STAB2: variants seen among roughly 807,000 people sequenced by gnomAD.
STAB2 encodes stabilin-2.
In STAB2, 288 loss-of-function variants were observed where a neutral mutation model predicts 338.1. That is an observed-to-expected ratio of 0.85 (90% CI 0.77 to 0.94). STAB2 has a LOEUF of 0.94. Among genes scored for constraint, STAB2 ranks in the 40% least tolerant of loss-of-function variants. The probability of loss-of-function intolerance (pLI) is 0.00; values close to 1 mark genes in which losing one functional copy is unlikely to be tolerated. For missense variants in STAB2, 3,141 were observed against 3,210.1 expected, an observed-to-expected ratio of 0.98 and a Z score of 0.52; for synonymous variants, 1,202 against 1,193.3, an observed-to-expected ratio of 1.01 and a Z score of -0.15.
At chr12:103,634,947 G>A (rs941295659) in intron 6 of STAB2, among the ~76,000 whole-genome samples, 4 of 152,346 alleles carry the variant, frequency 2.6e-5, no homozygotes, top group Non-Finnish European at 2.9e-5. Flanking sequence ...TTTCCTGGAC[G>A]TAAAGTGGGG....
rs151009841 is a variant in STAB2 at position 103,594,490 on chromosome 12, G to C, written c.311G>C (p.Arg104Pro). The change falls in exon 3 of 69, where the codon CGC (arginine) becomes CCC (proline). Residue 104 changes from arginine to proline, a missense_variant. Physicochemically the swap from Arg to Pro is moderately radical, Grantham distance 103. Coordinates refer to ENST00000388887, the MANE Select transcript of STAB2 (RefSeq NM_017564.10). ...DYLQPRCCPG[R>P]WGPDCIECPG... Reference sequence around the variant, plus strand: ...CTCCAACCTCGGTGTTGTCCTGGCCGCTGGGGCCCAGACTGTATAGGTAAG... The same window carrying C: ...CTCCAACCTCGGTGTTGTCCTGGCCCCTGGGGCCCAGACTGTATAGGTAAG... 1 of 1,613,754 alleles carries C rather than the reference G, an allele frequency of 6.2e-7. No homozygotes were observed.
chr12:103,642,560 T>C (rs1304006328), intron 9 of STAB2, among the ~76,000 whole-genome samples: 2 of 152,204 alleles, frequency 1.3e-5, no homozygotes, highest in African/African-American at 2.4e-5. Flanking sequence ...AGAGACATTC[T>C]CAGATGGATC....
chr12:103,672,398 C>G (rs1875890058), intron 22 of STAB2, among the ~76,000 whole-genome samples: 2 of 152,216 alleles, frequency 1.3e-5, no homozygotes, highest in South Asian at 4.1e-4. Context: ...GGGGCGGTGG[C>G]CTTCCAGCTG....
intron 46 of STAB2, 149 bp from the exon 47 acceptor site, chr12:103,727,118 T>C (rs1881268928): frequency 2.7e-6 from 2 of 736,042 alleles, no homozygotes; most frequent in African/African-American, 1.8e-5. Flanking sequence ...ACGGAGAATC[T>C]GGGTTTCATT....
intron 41 of STAB2, among the ~76,000 whole-genome samples, chr12:103,713,228 A>T (rs867399257): frequency 6.6e-6 from 1 of 152,196 alleles, no homozygotes; most frequent in Non-Finnish European, 1.5e-5. Context: ...ATGCAAGCTA[A>T]TATTCTTATG....
chr12:103,760,790 A>G (rs971154251), intron 65 of STAB2, among the ~76,000 whole-genome samples: 2 of 152,230 alleles, frequency 1.3e-5, no homozygotes. Flanking sequence ...AGAGCAGTTT[A>G]GACTAGTGTC....
At chr12:103,760,795 A>G (rs907436554) in intron 65 of STAB2, among the ~76,000 whole-genome samples, 2 of 152,220 alleles carry the variant, frequency 1.3e-5, no homozygotes, top group African/African-American at 4.8e-5. Context: ...AGTTTAGACT[A>G]GTGTCTCTCA....
chr12:103,675,563 A>G (rs1198436995), intron 23 of STAB2, among the ~76,000 whole-genome samples: 1 of 152,296 alleles, frequency 6.6e-6, no homozygotes, highest in African/African-American at 2.4e-5. Context: ...AGACACTGTC[A>G]GGTGTTGAGA....
chr12:103,730,698 G>A (rs1881566197), intron 49 of STAB2, among the ~76,000 whole-genome samples: 1 of 152,144 alleles, frequency 6.6e-6, no homozygotes, highest in African/African-American at 2.4e-5. Flanking sequence ...TGGAAGGGTA[G>A]AGCCTAATTC....
intron 51 of STAB2, among the ~76,000 whole-genome samples, chr12:103,734,492 G>A (rs1881946414): frequency 6.6e-6 from 1 of 151,556 alleles, no homozygotes; most frequent in Non-Finnish European, 1.5e-5. Context: ...AGCATGCACA[G>A]TCTCATAGGA....
chr12:103,685,861 A>C (rs1877382999), intron 27 of STAB2, among the ~76,000 whole-genome samples: 1 of 152,150 alleles, frequency 6.6e-6, no homozygotes, highest in Non-Finnish European at 1.5e-5. Context: ...CTATGTATAT[A>C]GTTCAGCAGT....
rs1030248996 is a variant in STAB2, at chr12:103,670,699, G to A, written c.2263G>A (p.Ala755Thr). The stretch of plus-strand genomic sequence containing the variant: ...TGGGCCCTGCCTTTGCTCCCAGTGT[G>A]CAGATAGCCTCGGCGGCAACGGGAC... ...SNPCSGNGQC[A>T]DSLGGNGTCI... The change falls in exon 22 of 69, where the codon GCA (alanine) becomes ACA (threonine). Residue 755 changes from alanine to threonine, a missense_variant. Transcript: ENST00000388887. 4.3e-6 allele frequency: 7 copies of A among 1,613,792 alleles called. No homozygotes were observed. Among genetic ancestry groups the A allele is most frequent in the Non-Finnish European group, 5.1e-6 (6 of 1,179,806 alleles).
At chr12:103,658,426 C>T (rs1263904452) in intron 15 of STAB2, among the ~76,000 whole-genome samples, 1 of 152,172 alleles carries the variant, frequency 6.6e-6, no homozygotes, top group Non-Finnish European at 1.5e-5. Context: ...GACACAGGCA[C>T]ACACAGTAAC....
In STAB2 at chr12:103,662,972, G is replaced by A; in HGVS notation, c.1996G>A (p.Asp666Asn). The change falls in exon 18 of 69, where the codon GAT (aspartate) becomes AAT (asparagine). Residue 666 changes from aspartate to asparagine, a missense_variant. Asp to Asn is a conservative substitution (Grantham distance 23). Coordinates refer to ENST00000388887, the MANE Select transcript of STAB2 (RefSeq NM_017564.10). The part of the protein sequence containing the change: ...SIVPILPHRC[D>N]ETKREMKLGT... Reference sequence around the variant, plus strand: ...TGTCCCGATTCTGCCCCATCGATGTGATGAAACAAAGAGAGAGATGAAACT... The same window carrying A: ...TGTCCCGATTCTGCCCCATCGATGTAATGAAACAAAGAGAGAGATGAAACT... 2 of 1,614,040 alleles carry A rather than the reference G, an allele frequency of 1.2e-6. No individual in the cohort carries two copies. Among genetic ancestry groups the A allele is most frequent in the Non-Finnish European group, 1.7e-6 (2 of 1,179,972 alleles).
chr12:103,711,254 C>A (rs1879828364), intron 39 of STAB2: 3 of 596,962 alleles, frequency 5.0e-6, no homozygotes, highest in Admixed American at 6.2e-5. Flanking sequence ...CAGGGCCTGG[C>A]AAACAGAAGA....
At chr12:103,672,175 C>A (rs1875864481) in intron 22 of STAB2, among the ~76,000 whole-genome samples, 1 of 152,232 alleles carries the variant, frequency 6.6e-6, no homozygotes, top group Admixed American at 6.5e-5. Flanking sequence ...ACAACCCTTC[C>A]GCTCTCCTAC....
In STAB2 at chr12:103,766,392, G is replaced by A. The variant is rs916141963; in HGVS notation, c.*56G>A. 3 of 1,558,628 alleles carry A rather than the reference G, an allele frequency of 1.9e-6. No individual in the cohort carries two copies. Among genetic ancestry groups the A allele is most frequent in the Admixed American group, 1.8e-5 (1 of 54,324 alleles). On this transcript the variant is annotated 3_prime_UTR_variant, in exon 69 of 69. Transcript: ENST00000388887. ...CACTGCCACCTGGGCCATCAACTGT[G>A]AATTCTCAGCACCAGTTGCCTTTTA...
rs1480142001 is a variant in STAB2, at chr12:103,587,349, G to C, written c.-128G>C. ...ATCTCCTGGTTCGATCTAGGAAAAA[G>C]GAAAGGAAGGGATTTAAAAGTAAAC... On this transcript the variant is annotated 5_prime_UTR_variant, in exon 1 of 69. Coordinates refer to ENST00000388887, the MANE Select transcript of STAB2 (RefSeq NM_017564.10). 2 of 793,958 alleles carry C rather than the reference G, an allele frequency of 2.5e-6. No individual in the cohort carries two copies. The highest frequency in any genetic ancestry group is 3.5e-5 in the African/African-American group (2 of 57,234). The allele number at this position is 793,958 out of a possible 1,614,324, so 49.2% of individuals were successfully genotyped here.
rs372916377 is a variant in STAB2 at position 103,706,850 on chromosome 12, C to T, written c.4055C>T (p.Ala1352Val). 1 of 1,614,268 alleles carries T rather than the reference C, an allele frequency of 6.2e-7. No individual in the cohort carries two copies. Among genetic ancestry groups the T allele is most frequent in the Admixed American group, 1.7e-5 (1 of 60,032 alleles). ...GPQCQPCPGN[A>V]QNVCFGNGIC... ...CAATGCCAGCCCTGCCCAGGGAATG[C>T]CCAGAATGTCTGCTTTGGTAATGGC... is the stretch of plus-strand genomic sequence containing the variant. Residue 1352 changes from alanine (A) to valine (V), a missense_variant, in exon 38 of 69, where the codon GCC (alanine) becomes GTC (valine). Physicochemically the swap from Ala to Val is moderately conservative, Grantham distance 64 (BLOSUM62 0). Transcript: ENST00000388887.
Sources: allele counts gnomAD v4.1 joint callset (sites outside exome capture counted in the v4.1 genomes callset), GRCh38; gene constraint gnomAD v4.1.1; transcripts MANE v1.5; gene names NCBI Gene and HGNC (gene_info 2026-07-23, HGNC 2026-07-21).